Variants in ABHD6 observed in about 807,000 individuals in gnomAD.
ABHD6 encodes the protein monoacylglycerol lipase ABHD6.
In ABHD6, 33 loss-of-function variants were observed where a neutral mutation model predicts 38.8. The observed-to-expected ratio is 0.85, with a 90% CI of 0.64 to 1.14. ABHD6 has a LOEUF of 1.14. Among genes scored for constraint, ABHD6 ranks in the 50% most tolerant of loss-of-function variants. The probability of loss-of-function intolerance (pLI) is 0.00; values close to 1 mark genes in which losing one functional copy is unlikely to be tolerated. For missense variants in ABHD6, 380 were observed against 422.6 expected (o/e 0.90, Z 0.88); for synonymous variants, 147 against 161.6 (o/e 0.91, Z 0.69).
chr3:58,270,566 C>T (rs1329383718), intron 5 of ABHD6, among the ~76,000 whole-genome samples: 2 of 151,094 alleles, frequency 1.3e-5, no homozygotes, highest in Non-Finnish European at 2.9e-5. Flanking sequence ...TCTAGCTACT[C>T]GGGAGGCTGA....
chr3:58,293,534 A>T lies in ABHD6; in HGVS notation c.838-55A>T. ...GGTGGAAGTTCTGTCCACAGAGTGC[A>T]CACGTGGGTGTCTGAATCTTTGTGT... On this transcript the variant is annotated intron_variant, in intron 9 of 9. Coordinates refer to ENST00000478253, the MANE Select transcript of ABHD6 (RefSeq NM_001320126.2). The surrounding 1 kb of genome is among the most constrained non-coding windows in gnomAD (Gnocchi z 4.4). 1 of 1,588,332 alleles carries T rather than the reference A, an allele frequency of 6.3e-7. No individual in the cohort carries two copies. The highest frequency in any genetic ancestry group is 8.6e-7 in the Non-Finnish European group (1 of 1,163,844).
chr3:58,246,051 A>AG (rs2097426162), intron 1 of ABHD6, among the ~76,000 whole-genome samples: 1 of 152,162 alleles, frequency 6.6e-6, no homozygotes, highest in Non-Finnish European at 1.5e-5. Context: ...TTCACCTTTG[A>AG]GGGGTGACCT....
rs1012554018 is a variant in ABHD6, at chr3:58,257,940, C to T, written c.119+1235C>T. On this transcript the variant is annotated intron_variant, in intron 3 of 9. Transcript: ENST00000478253. The surrounding 1 kb of genome is among the most constrained non-coding windows in gnomAD (Gnocchi z 4.8). ...GAGTGAGCCATCTTTTTAAAAAAAT[C>T]CTTAAATCAAGTATTTAAAAAGTGA... Among the ~76,000 whole-genome samples, 1 of 152,094 alleles carries T rather than the reference C, an allele frequency of 6.6e-6. No individual in the cohort carries two copies. The highest frequency in any genetic ancestry group is 1.5e-5 in the Non-Finnish European group (1 of 68,022).
rs757241592 is a variant in ABHD6 at position 58,270,956 on chromosome 3, A to G, written c.415A>G (p.Lys139Glu). The G allele has an allele frequency of 4.3e-6, 7 of 1,610,224 alleles. No homozygotes were observed. Among genetic ancestry groups the G allele is most frequent in the African/African-American group, 1.3e-5 (1 of 74,636 alleles). ...HQFVECLKLNKKPFHLVGTSM... is the reference protein window; with the variant it reads ...HQFVECLKLNEKPFHLVGTSM... ...GTTTGTAGAATGCCTGAAGCTGAACAAAAAACCTTTCCACCTGGTAGGCAC... is the reference window on the plus strand; with the variant it reads ...GTTTGTAGAATGCCTGAAGCTGAACGAAAAACCTTTCCACCTGGTAGGCAC... Residue 139 changes from lysine to glutamate, a missense_variant, in exon 6 of 10, where the codon AAA becomes GAA. Transcript: ENST00000478253.
intron 9 of ABHD6, among the ~76,000 whole-genome samples, chr3:58,290,194 G>T (rs1299905165): frequency 1.0e-5 from 1 of 99,748 alleles, no homozygotes; most frequent in Non-Finnish European, 2.0e-5. Flanking sequence ...CCTCCCGGAC[G>T]GGGCGGCTGG....
intron 2 of ABHD6, among the ~76,000 whole-genome samples, chr3:58,254,855 C>T (rs879944711): frequency 0.021 from 1,002 of 48,576 alleles, 6 homozygotes; most frequent in Middle Eastern, 0.05. Context: ...TGTGTATACA[C>T]ACACACACAC....
Position 58,269,220 on chromosome 3 carries a change from G to A in ABHD6, c.277-101G>A. On this transcript the variant is annotated intron_variant, in intron 4 of 9. Transcript: ENST00000478253. This position sits in a 1 kb window ranked among gnomAD's most constrained non-coding sequence, Gnocchi z 4.4. The stretch of plus-strand genomic sequence containing the variant: ...TGGCCAAGACCCATACATCCCCAGG[G>A]ATGGCTGTCTGGGTCACTGTACATG... The A allele has an allele frequency of 1.3e-6, 1 of 767,264 alleles. No individual in the cohort carries two copies. Among genetic ancestry groups the A allele is most frequent in the Non-Finnish European group, 2.2e-6 (1 of 444,934 alleles). 47.5% of individuals were successfully genotyped at this position (767,264 alleles called of 1,614,324 possible). A position where few individuals can be genotyped will look rare whatever the true frequency, so the allele number is the denominator to read the frequency against.
chr3:58,261,792 G>A (rs866359437), intron 3 of ABHD6, among the ~76,000 whole-genome samples: 4 of 152,068 alleles, frequency 2.6e-5, no homozygotes, highest in Admixed American at 6.6e-5. Context: ...CAAATTTGTC[G>A]GCTCCCCAGA....
Position 58,273,361 on chromosome 3 carries a change from A to G in ABHD6, c.524-1297A>G, listed in dbSNP as rs1434592209. Among the ~76,000 whole-genome samples the G allele has an allele frequency of 6.6e-6, 1 of 152,112 alleles. No individual in the cohort carries two copies. Among genetic ancestry groups the G allele is most frequent in the African/African-American group, 2.4e-5 (1 of 41,432 alleles). ...GATTGCTTGAGGCCAGGAGTTCAAG[A>G]CCAGCCTAAGGGAGACCCCATCTCT... On this transcript the variant is annotated intron_variant, in intron 6 of 9. Transcript: ENST00000478253. This position sits in a 1 kb window ranked among gnomAD's most constrained non-coding sequence, Gnocchi z 4.8.
In ABHD6 at chr3:58,246,757, C is replaced by CG. The variant is rs2097426695; in HGVS notation, c.-90-3121_-90-3120insG. Among the ~76,000 whole-genome samples the CG allele has an allele frequency of 5.9e-5, 9 of 152,038 alleles. No individual in the cohort carries two copies. The South Asian group carries it at 1.2e-3, about 21-fold the overall frequency. ...ATGGTCATGTGTTTCCAGGATAGAA[C>CG]AATAAGAACGTTTATCATTTGAAAA... On this transcript the variant is annotated intron_variant, in intron 1 of 9. Transcript: ENST00000478253.
chr3:58,264,147 T>G (rs1256042541), intron 3 of ABHD6, among the ~76,000 whole-genome samples: 1 of 152,206 alleles, frequency 6.6e-6, no homozygotes, highest in African/African-American at 2.4e-5. Flanking sequence ...ATCTAATATA[T>G]TTCCTATTCA....
chr3:58,275,672 C>T (rs1274020636), intron 7 of ABHD6, among the ~76,000 whole-genome samples: 2 of 152,112 alleles, frequency 1.3e-5, no homozygotes, highest in African/African-American at 4.8e-5. Flanking sequence ...ACTTTAAGTT[C>T]TAGGGTGCAT....
At position 58,257,662 on chromosome 3, in the gene ABHD6, C is replaced by T. The variant is rs554788534; in HGVS notation, c.119+957C>T. 1.4e-4 allele frequency among the ~76,000 whole-genome samples: 21 copies of T among 152,158 alleles called. No homozygotes were observed. Among genetic ancestry groups the T allele is most frequent in the Non-Finnish European group, 2.9e-4 (20 of 67,956 alleles). ...ACAGGTGTGAGCCACTGCGCCTGGCCTTCATCATTGGATTCTGACCCTGTG... is the reference window on the plus strand; with the variant it reads ...ACAGGTGTGAGCCACTGCGCCTGGCTTTCATCATTGGATTCTGACCCTGTG... On this transcript the variant is annotated intron_variant, in intron 3 of 9. Coordinates refer to ENST00000478253, the MANE Select transcript of ABHD6 (RefSeq NM_001320126.2). The surrounding 1 kb of genome is among the most constrained non-coding windows in gnomAD (Gnocchi z 4.8).
At chr3:58,272,659 T>C (rs2097445895) in intron 6 of ABHD6, among the ~76,000 whole-genome samples, 1 of 152,162 alleles carries the variant, frequency 6.6e-6, no homozygotes, top group Non-Finnish European at 1.5e-5. Context: ...TTTAAATCAC[T>C]TACAGGAAGT....
In ABHD6 at chr3:58,257,372, G is replaced by GT. The variant is rs373869488; in HGVS notation, c.119+677dup. Reference sequence around the variant, plus strand: ...GGTTGGTTTTTTGGGTTTTTGTTTGGTTTTTTTTTTGAAACAGTCTCCCTC... The same window carrying GT: ...GGTTGGTTTTTTGGGTTTTTGTTTGGTTTTTTTTTTTGAAACAGTCTCCCTC... On this transcript the variant is annotated intron_variant, in intron 3 of 9. Transcript: ENST00000478253. This position sits in a 1 kb window ranked among gnomAD's most constrained non-coding sequence, Gnocchi z 4.8. Among the ~76,000 whole-genome samples the GT allele has an allele frequency of 9.3e-4, 77 of 82,818 alleles. No individual in the cohort carries two copies. The South Asian group carries it at 9.5e-3, about 10-fold the overall frequency. The allele number at this position is 82,818 out of a possible 152,430, so 54.3% of individuals were successfully genotyped here. A position where few individuals can be genotyped will look rare whatever the true frequency, so the allele number is the denominator to read the frequency against.
intron 9 of ABHD6, among the ~76,000 whole-genome samples, chr3:58,289,904 G>A (rs6445966): frequency 0.24 from 31,865 of 134,806 alleles, 2,832 homozygotes; most frequent in Non-Finnish European, 0.24. Flanking sequence ...GTGGCTGGCC[G>A]GGCAGAGGGG....
At chr3:58,250,294 G>A (rs1189431333) in intron 2 of ABHD6, among the ~76,000 whole-genome samples, 1 of 151,928 alleles carries the variant, frequency 6.6e-6, no homozygotes, top group African/African-American at 2.4e-5. Flanking sequence ...GCAGCCAGAC[G>A]TGGGAGTGCT....
At chr3:58,278,111 A>T (rs1046482922) in intron 7 of ABHD6, among the ~76,000 whole-genome samples, 1 of 152,210 alleles carries the variant, frequency 6.6e-6, no homozygotes, top group Non-Finnish European at 1.5e-5. Flanking sequence ...AGGATGATGC[A>T]GGCCTCATAA....
chr3:58,278,385 C>T (rs1326805992), intron 7 of ABHD6, among the ~76,000 whole-genome samples: 7 of 152,158 alleles, frequency 4.6e-5, no homozygotes, highest in Non-Finnish European at 8.8e-5. Context: ...AGTTAATTTG[C>T]GTAGAGGTGT....
Sources: gnomAD v4.1 joint callset for allele counts (sites outside exome capture counted in the v4.1 genomes callset) on GRCh38, gnomAD v4.1.1 for gene constraint, Gnocchi (gnomAD v3.1) non-coding constraint, MANE v1.5 for transcripts, NCBI Gene and HGNC (gene_info 2026-07-23, HGNC 2026-07-21) for gene names.